CLOCK: variants seen among roughly 807,000 people sequenced by gnomAD.
The protein encoded by CLOCK is circadian locomoter output cycles protein kaput.
Under a neutral mutation model 118.4 loss-of-function variants are expected in CLOCK, and 43 were observed. The ratio of observed to expected loss-of-function variants is 0.36; its 90% confidence interval spans 0.28 to 0.47. CLOCK has a LOEUF of 0.47. Among genes scored for constraint, CLOCK ranks in the 20% least tolerant of loss-of-function variants. The pLI, the probability that CLOCK is intolerant of heterozygous loss-of-function variation, is 1.00. For synonymous variants in CLOCK, 326 were observed against 339.2 expected (o/e 0.96, Z 0.43); for missense variants, 846 against 999.9 (o/e 0.85, Z 2.08).
At chr4:55,454,875 C>T (rs188047438) in intron 13 of CLOCK, among the ~76,000 whole-genome samples, 1 of 149,764 alleles carries the variant, frequency 6.7e-6, no homozygotes, top group African/African-American at 2.5e-5. Flanking sequence ...CCGCCGCCAC[C>T]GCCTCTCACT....
At chr4:55,462,312 A>G (rs935193508) in intron 9 of CLOCK, among the ~76,000 whole-genome samples, 1 of 151,928 alleles carries the variant, frequency 6.6e-6, no homozygotes, top group Non-Finnish European at 1.5e-5. Flanking sequence ...TTTGAGACAG[A>G]GTCTCGCTCT....
At chr4:55,483,425 A>T (rs1727067470) in intron 3 of CLOCK, among the ~76,000 whole-genome samples, 1 of 152,212 alleles carries the variant, frequency 6.6e-6, no homozygotes, top group African/African-American at 2.4e-5. Context: ...GGGAGTCAAA[A>T]TTCTTTTTTA....
intron 22 of CLOCK, among the ~76,000 whole-genome samples, chr4:55,436,697 GTTA>G (rs1722900485): frequency 1.3e-5 from 2 of 152,196 alleles, no homozygotes; most frequent in Middle Eastern, 3.4e-3. Context: ...TTCTCTCTTT[GTTA>G]TTAGGAAAAG....
intron 20 of CLOCK, 77 bp from the exon 21 acceptor site, chr4:55,442,711 C>CTAACAATA (rs1723471235): frequency 6.5e-6 from 8 of 1,239,956 alleles, no homozygotes; most frequent in Middle Eastern, 4.2e-4. Flanking sequence ...ATTCATCATT[C>CTAACAATA]TAACAATATG....
Position 55,453,815 on chromosome 4 carries a change from T to C in CLOCK, c.992A>G (p.Tyr331Cys). 1 of 1,604,568 alleles carries C rather than the reference T, an allele frequency of 6.2e-7. No individual in the cohort carries two copies. The highest frequency in any genetic ancestry group is 8.5e-7 in the Non-Finnish European group (1 of 1,175,000). ...ATAATAACATGATTTGCCTTTCCCA[T>C]ATTGCATTACTAAAAGGAAAATAGA... Reference protein sequence around the residue: ...LAKCHEHLMQYGKGKSCYYRF... With the variant: ...LAKCHEHLMQCGKGKSCYYRF... Residue 331 changes from tyrosine to cysteine, a missense_variant, in exon 14 of 23, where the codon TAT becomes TGT. By Grantham distance (194) the Tyr-to-Cys change is radical. Coordinates refer to ENST00000513440, the MANE Select transcript of CLOCK (RefSeq NM_004898.4).
At chr4:55,465,155 T>C (rs1448820879) in intron 8 of CLOCK, among the ~76,000 whole-genome samples, 1 of 152,224 alleles carries the variant, frequency 6.6e-6, no homozygotes, top group East Asian at 1.9e-4. Flanking sequence ...GATGGTTGTG[T>C]CTGTACTGAA....
intron 8 of CLOCK, among the ~76,000 whole-genome samples, chr4:55,468,355 T>A (rs772204098): frequency 9.9e-5 from 15 of 151,390 alleles, no homozygotes; most frequent in Non-Finnish European, 1.9e-4. Flanking sequence ...AACTGAAAAC[T>A]CCCCCCAAAA....
chr4:55,431,446 C>T lies in CLOCK; in HGVS notation c.*3969G>A, dbSNP rs377026335. ...GAAGCTCCTTTTAGAAGAAAGCTCA[C>T]CCAATCCAAACTTAAAAGGTTCTCT... On this transcript the variant is annotated 3_prime_UTR_variant, in exon 23 of 23. Coordinates refer to ENST00000513440, the MANE Select transcript of CLOCK (RefSeq NM_004898.4). 7.9e-5 allele frequency: 12 copies of T among 152,320 alleles called. No homozygotes were observed. In the South Asian group the frequency reaches 1.2e-3, roughly 16 times the overall value. The allele number at this position is 152,320 out of a possible 1,614,324, so 9.4% of individuals were successfully genotyped here. A position where few individuals can be genotyped will look rare whatever the true frequency, so the allele number is the denominator to read the frequency against.
intron 22 of CLOCK, among the ~76,000 whole-genome samples, chr4:55,437,086 T>C (rs1010835841): frequency 6.6e-6 from 1 of 152,196 alleles, no homozygotes; most frequent in African/African-American, 2.4e-5. Context: ...TTTGTAATAG[T>C]AGCTACCCCA....
intron 2 of CLOCK, among the ~76,000 whole-genome samples, chr4:55,497,107 G>T (rs555378379): frequency 1.3e-5 from 2 of 152,270 alleles, no homozygotes; most frequent in Admixed American, 1.3e-4. Context: ...CCCAATATAG[G>T]TCTCACTGGG....
At chr4:55,538,749 CAGAG>C (rs995240368) in intron 1 of CLOCK, among the ~76,000 whole-genome samples, 2 of 152,144 alleles carry the variant, frequency 1.3e-5, no homozygotes, top group African/African-American at 4.8e-5. Context: ...AAAAGTAACA[CAGAG>C]AGTCTTAAAA....
At chr4:55,543,548 G>A (rs1731416047) in intron 1 of CLOCK, among the ~76,000 whole-genome samples, 1 of 152,170 alleles carries the variant, frequency 6.6e-6, no homozygotes, top group Admixed American at 6.5e-5. Context: ...AGATTCCTCT[G>A]GGGAGGAATG....
Position 55,442,698 on chromosome 4 carries a change from A to G in CLOCK, c.1903-64T>C, listed in dbSNP as rs1488788308. On this transcript the variant is annotated intron_variant, in intron 20 of 22. Coordinates refer to ENST00000513440, the MANE Select transcript of CLOCK (RefSeq NM_004898.4). The stretch of plus-strand genomic sequence containing the variant: ...AAAATAATTATTTGGGAAGTATGCT[A>G]GAATTCATCATTCTAACAATATGAC... The G allele has an allele frequency of 6.8e-6, 9 of 1,333,004 alleles. No individual in the cohort carries two copies. In the Admixed American group the frequency reaches 1.5e-4, roughly 22 times the overall value. 82.6% of individuals were successfully genotyped at this position (1,333,004 alleles called of 1,614,324 possible). A position where few individuals can be genotyped will look rare whatever the true frequency, so the allele number is the denominator to read the frequency against.
chr4:55,447,104 C>T (rs1723923726), intron 18 of CLOCK, among the ~76,000 whole-genome samples: 1 of 151,490 alleles, frequency 6.6e-6, no homozygotes, highest in Non-Finnish European at 1.5e-5. Flanking sequence ...TGGTGGCTCA[C>T]AGCTGTAATC....
chr4:55,518,730 G>C (rs552083773), intron 1 of CLOCK, among the ~76,000 whole-genome samples: 1 of 152,284 alleles, frequency 6.6e-6, no homozygotes, highest in South Asian at 2.1e-4. Context: ...ACCAGATACT[G>C]CATCTACTAG....
chr4:55,461,949 A>T (rs1185090401), intron 9 of CLOCK, among the ~76,000 whole-genome samples: 1 of 152,156 alleles, frequency 6.6e-6, no homozygotes, highest in Non-Finnish European at 1.5e-5. Context: ...CCACCTGTAC[A>T]ACCTCAACTT....
rs1023516940 is a variant in CLOCK, at chr4:55,434,701, A to T, written c.*714T>A. The stretch of plus-strand genomic sequence containing the variant: ...TGTGCCCCGGAAAAGTGAACAGAAC[A>T]CTACTGTGTTGTAAACAAAAGGAAA... On this transcript the variant is annotated 3_prime_UTR_variant, in exon 23 of 23. Transcript: ENST00000513440. The T allele has an allele frequency of 6.5e-6, 1 of 153,158 alleles. No homozygotes were observed. The highest frequency in any genetic ancestry group is 1.5e-5 in the Non-Finnish European group (1 of 68,462). 9.5% of individuals were successfully genotyped at this position (153,158 alleles called of 1,614,324 possible).
intron 1 of CLOCK, among the ~76,000 whole-genome samples, chr4:55,544,198 A>C (rs1001598909): frequency 2.2e-5 from 3 of 139,348 alleles, no homozygotes; most frequent in Non-Finnish European, 3.2e-5. Flanking sequence ...ACACACACAC[A>C]CCCCAATTTA....
chr4:55,482,095 T>C (rs1292717829), intron 4 of CLOCK, among the ~76,000 whole-genome samples: 1 of 152,194 alleles, frequency 6.6e-6, no homozygotes, highest in Non-Finnish European at 1.5e-5. Context: ...TTAAAGTCTT[T>C]TCTTTTCTAC....
Sources: gnomAD v4.1 joint callset for allele counts (sites outside exome capture counted in the v4.1 genomes callset) on GRCh38, gnomAD v4.1.1 for gene constraint, MANE v1.5 for transcripts, NCBI Gene and HGNC (gene_info 2026-07-23, HGNC 2026-07-21) for gene names.